Variants in BRIP1 observed in about 807,000 individuals in gnomAD.
The protein encoded by BRIP1 is Fanconi anemia group J protein.
A neutral mutation model predicts 119.7 loss-of-function variants in BRIP1; 88 were observed. That is an observed-to-expected ratio of 0.74 (90% confidence interval 0.62 to 0.88). The LOEUF is 0.88. Among genes scored for constraint, BRIP1 ranks in the 40% least tolerant of loss-of-function variants. The pLI, the probability that BRIP1 is intolerant of heterozygous loss-of-function variation, is 0.00. For missense variants in BRIP1, 1,259 were observed against 1,455.4 expected, an observed-to-expected ratio of 0.87 and a Z score of 2.20; for synonymous variants, 443 against 496.5, an observed-to-expected ratio of 0.89 and a Z score of 1.43.
intron 14 of BRIP1, among the ~76,000 whole-genome samples, chr17:61,747,876 G>A (rs1042258473): frequency 4.0e-5 from 6 of 151,532 alleles, no homozygotes; most frequent in African/African-American, 1.5e-4. Context: ...GCTAGGACTA[G>A]AGGCATGAGC....
rs2061426978 is a variant in BRIP1 at position 61,690,195 on chromosome 17, G to C, written c.2575+3235C>G. Among the ~76,000 whole-genome samples the C allele has an allele frequency of 6.6e-6, 1 of 152,178 alleles. No homozygotes were observed. The highest frequency in any genetic ancestry group is 1.5e-5 in the Non-Finnish European group (1 of 68,036). On this transcript the variant is annotated intron_variant, in intron 18 of 19. Coordinates refer to ENST00000259008, the MANE Select transcript of BRIP1 (RefSeq NM_032043.3). This position sits in a 1 kb window ranked among gnomAD's most constrained non-coding sequence, Gnocchi z 5.6. ...GCTGAGGGACTTCACCACTAAACGTGCCTTACAAGATATGCTAAAGGAAGC... is the reference window on the plus strand; with the variant it reads ...GCTGAGGGACTTCACCACTAAACGTCCCTTACAAGATATGCTAAAGGAAGC...
chr17:61,856,932 C>A lies in BRIP1; in HGVS notation c.379+126G>T. 1.0e-6 allele frequency: 1 copy of A among 955,818 alleles called. No individual in the cohort carries two copies. Among genetic ancestry groups the A allele is most frequent in the South Asian group, 1.4e-5 (1 of 69,964 alleles). The allele number at this position is 955,818 out of a possible 1,614,324, so 59.2% of individuals were successfully genotyped here. A position where few individuals can be genotyped will look rare whatever the true frequency, so the allele number is the denominator to read the frequency against. ...ACTCTGTGCTATTTTAAAATCATTC[C>A]AGAGAAACTAGATAGAGATATATAA... On this transcript the variant is annotated intron_variant, in intron 4 of 19. Coordinates refer to ENST00000259008, the MANE Select transcript of BRIP1 (RefSeq NM_032043.3). This position sits in a 1 kb window ranked among gnomAD's most constrained non-coding sequence, Gnocchi z 5.1.
rs145859791 is a variant in BRIP1 at position 61,685,868 on chromosome 17, A to T, written c.2873T>A (p.Leu958Gln). The T allele has an allele frequency of 9.3e-6, 15 of 1,613,310 alleles. No individual in the cohort carries two copies. The African/African-American group carries it at 1.9e-4, about 20-fold the overall frequency. The stretch of plus-strand genomic sequence containing the variant: ...CTTTCTGGAGATAATGCTACTTGGT[A>T]GAGGTGAATTTTTGGTAATAATTTT... ...CPKIITKNSP[L>Q]PSSIISRKEK... Residue 958 changes from leucine to glutamine, a missense_variant, in exon 19 of 20, where the codon CTA (leucine) becomes CAA (glutamine). Around this residue, in one of 3 missense-constraint regions of BRIP1, gnomAD observed 753 missense variants for 891.8 expected, o/e 0.84. Transcript: ENST00000259008.
Position 61,774,457 on chromosome 17 carries a change from G to T in BRIP1, c.2097+1944C>A, listed in dbSNP as rs2077504414. Among the ~76,000 whole-genome samples, 1 of 152,164 alleles carries T rather than the reference G, an allele frequency of 6.6e-6. No homozygotes were observed. Among genetic ancestry groups the T allele is most frequent in the African/African-American group, 2.4e-5 (1 of 41,442 alleles). On this transcript the variant is annotated intron_variant, in intron 14 of 19. Coordinates refer to ENST00000259008, the MANE Select transcript of BRIP1 (RefSeq NM_032043.3). The surrounding 1 kb of genome is among the most constrained non-coding windows in gnomAD (Gnocchi z 5.8). ...TTCTGGGGTGGGGGCCTAGGGGAGG[G>T]ATAGCATTAGGAGAAATACCTAATG...
At chr17:61,787,390 GTA>G (rs1220791930) in intron 10 of BRIP1, among the ~76,000 whole-genome samples, 234 of 9,290 alleles carry the variant, frequency 0.025, 2 homozygotes, top group Middle Eastern at 0.062. Context: ...ACTATATATA[GTA>G]TATATATTTA....
At position 61,861,296 on chromosome 17, in the gene BRIP1, G is replaced by A; in HGVS notation, c.93+151C>T. On this transcript the variant is annotated intron_variant, in intron 2 of 19. Transcript: ENST00000259008. This position sits in a 1 kb window ranked among gnomAD's most constrained non-coding sequence, Gnocchi z 4.5. ...GATATATACAGTTTAGCTGCAATCA[G>A]TAGTTTCCCAGAGGTTAGATATTCT... 3.0e-6 allele frequency: 2 copies of A among 675,594 alleles called. No individual in the cohort carries two copies. Among genetic ancestry groups the A allele is most frequent in the Non-Finnish European group, 5.3e-6 (2 of 374,808 alleles). The allele number at this position is 675,594 out of a possible 1,614,324, so 41.8% of individuals were successfully genotyped here. A position where few individuals can be genotyped will look rare whatever the true frequency, so the allele number is the denominator to read the frequency against.
Position 61,834,007 on chromosome 17 carries a change from C to A in BRIP1, c.627+13094G>T, listed in dbSNP as rs1300564642. Among the ~76,000 whole-genome samples, 1 of 152,172 alleles carries A rather than the reference C, an allele frequency of 6.6e-6. No individual in the cohort carries two copies. Among genetic ancestry groups the A allele is most frequent in the East Asian group, 1.9e-4 (1 of 5,202 alleles). Reference sequence around the variant, plus strand: ...TTACTGTTATAACGCAAAAGTTCCACAGACAATATGTATAAACAAATGTAA... The same window carrying A: ...TTACTGTTATAACGCAAAAGTTCCAAAGACAATATGTATAAACAAATGTAA... On this transcript the variant is annotated intron_variant, in intron 6 of 19. Transcript: ENST00000259008. This position sits in a 1 kb window ranked among gnomAD's most constrained non-coding sequence, Gnocchi z 4.4.
In BRIP1 at chr17:61,774,328, C is replaced by T. The variant is rs557332032; in HGVS notation, c.2097+2073G>A. ...GAAACCATCATTCTCAGCAAACTAT[C>T]ACAAAGACAGAAAACCAAACACCGC... is the stretch of plus-strand genomic sequence containing the variant. On this transcript the variant is annotated intron_variant, in intron 14 of 19. Transcript: ENST00000259008. The surrounding 1 kb of genome is among the most constrained non-coding windows in gnomAD (Gnocchi z 5.8). 6.6e-6 allele frequency among the ~76,000 whole-genome samples: 1 copy of T among 152,218 alleles called. No individual in the cohort carries two copies. Among genetic ancestry groups the T allele is most frequent in the East Asian group, 1.9e-4 (1 of 5,182 alleles).
rs2077212221 is a variant in BRIP1 at position 61,757,219 on chromosome 17, C to A, written c.2098-12628G>T. Among the ~76,000 whole-genome samples, 1 of 151,992 alleles carries A rather than the reference C, an allele frequency of 6.6e-6. No individual in the cohort carries two copies. The highest frequency in any genetic ancestry group is 1.5e-5 in the Non-Finnish European group (1 of 67,994). On this transcript the variant is annotated intron_variant, in intron 14 of 19. Coordinates refer to ENST00000259008, the MANE Select transcript of BRIP1 (RefSeq NM_032043.3). The surrounding 1 kb of genome is among the most constrained non-coding windows in gnomAD (Gnocchi z 4.3). The stretch of plus-strand genomic sequence containing the variant: ...TAAAAATGAATGTCCTTAATTTTTG[C>A]TAAATACAAACTGAAAATATAAGAA...
intron 14 of BRIP1, among the ~76,000 whole-genome samples, chr17:61,771,757 C>G (rs1292089734): frequency 6.6e-6 from 1 of 152,070 alleles, no homozygotes; most frequent in Non-Finnish European, 1.5e-5. Flanking sequence ...GTCAGGAGTT[C>G]AAGACCAGCC....
intron 6 of BRIP1, among the ~76,000 whole-genome samples, chr17:61,833,315 T>C (rs951323990): frequency 6.6e-6 from 1 of 152,212 alleles, no homozygotes; most frequent in Non-Finnish European, 1.5e-5. Context: ...GATTTGAAAC[T>C]TTTGAGAATT....
In BRIP1 at chr17:61,848,848, A is replaced by G. The variant is rs558651778; in HGVS notation, c.507+281T>C. Among the ~76,000 whole-genome samples the G allele has an allele frequency of 2.0e-5, 3 of 152,336 alleles. No homozygotes were observed. The highest frequency in any genetic ancestry group is 2.9e-5 in the Non-Finnish European group (2 of 68,028). On this transcript the variant is annotated intron_variant, in intron 5 of 19. Transcript: ENST00000259008. The surrounding 1 kb of genome is among the most constrained non-coding windows in gnomAD (Gnocchi z 4.3). Reference sequence around the variant, plus strand: ...GAGGAGTTAAAAAGTACAAAGTAGTATATCACTAAGATATGCCTTAAGTAA... The same window carrying G: ...GAGGAGTTAAAAAGTACAAAGTAGTGTATCACTAAGATATGCCTTAAGTAA...
In BRIP1 at chr17:61,725,747, C is replaced by T. The variant is rs985859058; in HGVS notation, c.2380-9684G>A. Among the ~76,000 whole-genome samples the T allele has an allele frequency of 1.3e-5, 2 of 152,008 alleles. No individual in the cohort carries two copies. The highest frequency in any genetic ancestry group is 4.8e-5 in the African/African-American group (2 of 41,396). ...AGCAATCATTCTGCTTCAGCCTCCT[C>T]AGTAGCTAGGACTTACAGATACGTG... is the stretch of plus-strand genomic sequence containing the variant. On this transcript the variant is annotated intron_variant, in intron 16 of 19. Coordinates refer to ENST00000259008, the MANE Select transcript of BRIP1 (RefSeq NM_032043.3). This position sits in a 1 kb window ranked among gnomAD's most constrained non-coding sequence, Gnocchi z 5.3.
In BRIP1 at chr17:61,686,187, G is replaced by A. The variant is rs2144119639; in HGVS notation, c.2576-22C>T. On this transcript the variant is annotated intron_variant, in intron 18 of 19. Transcript: ENST00000259008. The surrounding 1 kb of genome is among the most constrained non-coding windows in gnomAD (Gnocchi z 5.4). Reference sequence around the variant, plus strand: ...AGTCCTAAAGAAAAAGGTAAACCCAGGGAAAATTTGGTTACTTAGTTATTA... The same window carrying A: ...AGTCCTAAAGAAAAAGGTAAACCCAAGGAAAATTTGGTTACTTAGTTATTA... The A allele has an allele frequency of 6.2e-7, 1 of 1,608,710 alleles. No individual in the cohort carries two copies. The highest frequency in any genetic ancestry group is 8.5e-7 in the Non-Finnish European group (1 of 1,175,252).
In BRIP1 at chr17:61,843,329, G is replaced by A. The variant is rs1426203866; in HGVS notation, c.627+3772C>T. ...CAACAGTTAATAATACTATATTCTAGGCTGGATATTTCGATATTGGCTTTA... is the reference window on the plus strand; with the variant it reads ...CAACAGTTAATAATACTATATTCTAAGCTGGATATTTCGATATTGGCTTTA... On this transcript the variant is annotated intron_variant, in intron 6 of 19. Transcript: ENST00000259008. The surrounding 1 kb of genome is among the most constrained non-coding windows in gnomAD (Gnocchi z 5.7). Among the ~76,000 whole-genome samples the A allele has an allele frequency of 6.6e-6, 1 of 151,988 alleles. No homozygotes were observed. Among genetic ancestry groups the A allele is most frequent in the African/African-American group, 2.4e-5 (1 of 41,354 alleles).
At position 61,842,570 on chromosome 17, in the gene BRIP1, A is replaced by C. The variant is rs919927506; in HGVS notation, c.627+4531T>G. On this transcript the variant is annotated intron_variant, in intron 6 of 19. Coordinates refer to ENST00000259008, the MANE Select transcript of BRIP1 (RefSeq NM_032043.3). The surrounding 1 kb of genome is among the most constrained non-coding windows in gnomAD (Gnocchi z 5.1). ...CACACTGAATCCCATAAGTATGTAT[A>C]ATTATTATGTGTCAACAAAAATAAA... is the stretch of plus-strand genomic sequence containing the variant. Among the ~76,000 whole-genome samples, 3 of 152,216 alleles carry C rather than the reference A, an allele frequency of 2.0e-5. No homozygotes were observed. Among genetic ancestry groups the C allele is most frequent in the Non-Finnish European group, 4.4e-5 (3 of 68,036 alleles).
Position 61,808,747 on chromosome 17 carries a change from T to A in BRIP1, c.638A>T (p.His213Leu), listed in dbSNP as rs376760085. 6.2e-7 allele frequency: 1 copy of A among 1,612,944 alleles called. No individual in the cohort carries two copies. The highest frequency in any genetic ancestry group is 8.5e-7 in the Non-Finnish European group (1 of 1,179,876). The change falls in exon 7 of 20, where the codon CAC becomes CTC. Residue 213 changes from histidine to leucine, a missense_variant. His to Leu is a moderately conservative substitution (Grantham distance 99). This residue lies in a region of BRIP1 where 501 missense variants were observed against 544.0 expected (regional missense o/e 0.92). Transcript: ENST00000259008. The surrounding 1 kb of genome is among the most constrained non-coding windows in gnomAD (Gnocchi z 4.1). ...AGTAGAACAACAGCACCTAGAACAG[T>A]GGCCAGGGGGCTGTAAGAAAGGAAA... ...NSFSPQKPPG[H>L]CSRCCCSTKQ...
At chr17:61,849,013 T>C in intron 5 of BRIP1, 116 bp downstream of exon 5, 2 of 1,133,242 alleles carry the variant, frequency 1.8e-6, no homozygotes, top group African/African-American at 1.5e-5. Context: ...AAATTATTAA[T>C]TTATGGCTGT....
Position 61,742,535 on chromosome 17 carries a change from C to A in BRIP1, c.2379+478G>T, listed in dbSNP as rs2076999611. 6.6e-6 allele frequency among the ~76,000 whole-genome samples: 1 copy of A among 152,126 alleles called. No individual in the cohort carries two copies. On this transcript the variant is annotated intron_variant, in intron 16 of 19. Transcript: ENST00000259008. The surrounding 1 kb of genome is among the most constrained non-coding windows in gnomAD (Gnocchi z 4.7). ...TGCAACACTTCCTTTCACTTGAACA[C>A]TCTGGGGCCATTGTAGGGTTATTAA... is the stretch of plus-strand genomic sequence containing the variant.
Sources: allele counts gnomAD v4.1 joint callset (sites outside exome capture counted in the v4.1 genomes callset), GRCh38; gene constraint gnomAD v4.1.1; regional missense constraint gnomAD v4.1.1; non-coding constraint Gnocchi (gnomAD v3.1); transcripts MANE v1.5; gene names NCBI Gene and HGNC (gene_info 2026-07-23, HGNC 2026-07-21).